Variants in PSMD1 observed in about 807,000 individuals in gnomAD.
PSMD1 encodes the protein 26S proteasome non-ATPase regulatory subunit 1.
In PSMD1, 18 loss-of-function variants were observed where a neutral mutation model predicts 119.0. The observed-to-expected ratio is 0.15, with a 90% CI of 0.10 to 0.22. The LOEUF is 0.22. Ranked by LOEUF, PSMD1 falls within the 10% of genes least tolerant of loss-of-function variation. The probability of loss-of-function intolerance (pLI) is 1.00; values close to 1 mark genes in which losing one functional copy is unlikely to be tolerated. For synonymous variants in PSMD1, 374 were observed against 396.6 expected (o/e 0.94, Z 0.68); for missense variants, 702 against 1,158.5 (o/e 0.61, Z 5.72).
At chr2:231,139,286 G>A (rs1003733436) in intron 17 of PSMD1, among the ~76,000 whole-genome samples, 9 of 148,514 alleles carry the variant, frequency 6.1e-5, no homozygotes, top group South Asian at 4.2e-4. Context: ...TTACAGGCAT[G>A]AGCCACCGCA....
intron 16 of PSMD1, among the ~76,000 whole-genome samples, chr2:231,101,336 TG>T (rs1490258287): frequency 1.3e-5 from 2 of 152,220 alleles, no homozygotes; most frequent in African/African-American, 4.8e-5. Context: ...TTGAAGCTTT[TG>T]CAAAACCTCC....
chr2:231,154,678 A>T (rs1696447013), intron 19 of PSMD1, among the ~76,000 whole-genome samples: 1 of 152,154 alleles, frequency 6.6e-6, no homozygotes, highest in African/African-American at 2.4e-5. Flanking sequence ...TATGTTGCTC[A>T]GGCTTGTCTT....
chr2:231,166,126 C>T (rs1696777204), intron 23 of PSMD1, 109 bp downstream of exon 23: 1 of 1,083,474 alleles, frequency 9.2e-7, no homozygotes, highest in South Asian at 2.5e-5. Flanking sequence ...AGCAAGCTCA[C>T]TAGTTCTAAG....
chr2:231,074,159 C>T (rs1694105226), intron 7 of PSMD1, among the ~76,000 whole-genome samples: 1 of 152,096 alleles, frequency 6.6e-6, no homozygotes, highest in Admixed American at 6.6e-5. Context: ...GTCTGTAGTA[C>T]AGTGGCACGA....
intron 23 of PSMD1, among the ~76,000 whole-genome samples, chr2:231,169,139 ATTAG>A (rs1696854459): frequency 1.3e-5 from 2 of 152,144 alleles, no homozygotes; most frequent in Admixed American, 1.3e-4. Flanking sequence ...GATTTGGATT[ATTAG>A]TTTTGGGATT....
At chr2:231,150,394 A>T (rs1376731263) in intron 18 of PSMD1, among the ~76,000 whole-genome samples, 1 of 151,854 alleles carries the variant, frequency 6.6e-6, no homozygotes, top group Non-Finnish European at 1.5e-5. Flanking sequence ...ATATATACAG[A>T]TATATATACA....
chr2:231,105,306 TAATA>T (rs1156929955), intron 16 of PSMD1, among the ~76,000 whole-genome samples: 1 of 152,182 alleles, frequency 6.6e-6, no homozygotes, highest in African/African-American at 2.4e-5. Context: ...GTGGAACATC[TAATA>T]AATAAGTGAT....
intron 7 of PSMD1, 109 bp downstream of exon 7, chr2:231,072,524 A>G (rs1164930082): frequency 3.1e-6 from 3 of 955,584 alleles, no homozygotes; most frequent in Non-Finnish European, 4.7e-6. Context: ...TTTTGCCACT[A>G]GCTTTCATAG....
rs769692927 is a variant in PSMD1 at position 231,078,640 on chromosome 2, T to A, written c.1072-19T>A. ...AATACTTTGCCAGTGATGAAACAAT[T>A]CTGTATTTGTTGTTGCAGGATGCAG... On this transcript the variant is annotated intron_variant, in intron 9 of 24. Transcript: ENST00000308696. 16 of 1,585,232 alleles carry A rather than the reference T, an allele frequency of 1.0e-5. No homozygotes were observed. The highest frequency in any genetic ancestry group is 1.4e-5 in the Non-Finnish European group (16 of 1,167,064).
At chr2:231,126,753 G>C (rs973203799) in intron 16 of PSMD1, among the ~76,000 whole-genome samples, 6 of 151,782 alleles carry the variant, frequency 4.0e-5, no homozygotes. Flanking sequence ...AGTAAGATTG[G>C]TACTCTGATT....
intron 17 of PSMD1, 104 bp from the exon 18 acceptor site, chr2:231,146,136 T>G: frequency 1.4e-6 from 1 of 732,684 alleles, no homozygotes. Context: ...ATATATGCAG[T>G]GTGTCACTTC....
At chr2:231,161,591 C>T in intron 20 of PSMD1, 82 bp downstream of exon 20, 1 of 1,376,536 alleles carries the variant, frequency 7.3e-7, no homozygotes, top group Non-Finnish European at 9.9e-7. Flanking sequence ...GCAAGGATTT[C>T]CATTAAATTT....
rs114422331 is a variant in PSMD1 at position 231,162,322 on chromosome 2, G to A, written c.2388+813G>A. ...TCTACTAAATTTTCAGAGTGGAAAA[G>A]TTTTAGGCTTAAAACTGACTGGTAA... is the stretch of plus-strand genomic sequence containing the variant. On this transcript the variant is annotated intron_variant, in intron 20 of 24. Transcript: ENST00000308696. Among the ~76,000 whole-genome samples the A allele has an allele frequency of 2.9e-3, 448 of 152,312 alleles. 2 individuals are homozygous for A. The highest frequency in any genetic ancestry group is 0.01 in the African/African-American group (429 of 41,556).
chr2:231,070,242 A>C (rs1423317666), intron 6 of PSMD1, 74 bp downstream of exon 6: 1 of 1,122,232 alleles, frequency 8.9e-7, no homozygotes, highest in Admixed American at 3.9e-5. Flanking sequence ...TTCACATTTT[A>C]TTACTTTATA....
chr2:231,090,201 G>C (rs1018579793), intron 16 of PSMD1, among the ~76,000 whole-genome samples: 3 of 152,192 alleles, frequency 2.0e-5, no homozygotes, highest in Non-Finnish European at 2.9e-5. Context: ...GGATCGAGGA[G>C]TAATTTTTTA....
chr2:231,127,029 GCACACACA>G (rs1025274923), intron 16 of PSMD1, among the ~76,000 whole-genome samples: 3 of 151,438 alleles, frequency 2.0e-5, no homozygotes, highest in Non-Finnish European at 2.9e-5. Flanking sequence ...ACACATACAC[GCACACACA>G]CGCACAGACG....
At chr2:231,131,917 T>C (rs947123043) in intron 16 of PSMD1, among the ~76,000 whole-genome samples, 2 of 152,216 alleles carry the variant, frequency 1.3e-5, no homozygotes, top group African/African-American at 4.8e-5. Context: ...TTCTCATTTC[T>C]TGTCTTAACA....
intron 16 of PSMD1, among the ~76,000 whole-genome samples, chr2:231,135,703 C>G (rs1439653504): frequency 1.3e-5 from 2 of 152,118 alleles, no homozygotes; most frequent in Admixed American, 1.3e-4. Flanking sequence ...ACATAACTAA[C>G]AAATTTAGCA....
chr2:231,073,996 C>A (rs145080566), intron 7 of PSMD1, among the ~76,000 whole-genome samples: 242 of 152,094 alleles, frequency 1.6e-3, no homozygotes, highest in Middle Eastern at 0.01. Flanking sequence ...AATCTTTATA[C>A]CTTTTCCCTC....
Sources: allele counts gnomAD v4.1 joint callset (sites outside exome capture counted in the v4.1 genomes callset), GRCh38; gene constraint gnomAD v4.1.1; transcripts MANE v1.5; gene names NCBI Gene and HGNC (gene_info 2026-07-23, HGNC 2026-07-21).